The following PDE4D variants were observed in gnomAD, a reference collection of about 807,000 sequenced individuals.
PDE4D encodes 3',5'-cyclic-AMP phosphodiesterase 4D.
A neutral mutation model predicts 87.4 loss-of-function variants in PDE4D; 24 were observed. The observed-to-expected ratio is 0.27, with a 90% CI of 0.20 to 0.39. PDE4D has a LOEUF of 0.39. PDE4D is among the 10% of genes least tolerant of loss of function. The pLI, the probability that PDE4D is intolerant of heterozygous loss-of-function variation, is 1.00. For missense variants in PDE4D, 714 were observed against 1,041.0 expected (o/e 0.69, Z 4.32); for synonymous variants, 384 against 383.2 (o/e 1.00, Z -0.02).
chr5:59,758,313 T>C (rs771299315), intron 1 of PDE4D, among the ~76,000 whole-genome samples: 8 of 152,214 alleles, frequency 5.3e-5, no homozygotes, highest in South Asian at 4.1e-4. Flanking sequence ...ACCTGACACA[T>C]GGCAGGAGCT....
At chr5:60,250,429 T>A (rs186265984) in intron 1 of PDE4D, among the ~76,000 whole-genome samples, 172 of 152,058 alleles carry the variant, frequency 1.1e-3, no homozygotes, top group South Asian at 2.3e-3. Context: ...TGGTTCTGCA[T>A]CCCTAAGCCT....
intron 3 of PDE4D, among the ~76,000 whole-genome samples, chr5:59,911,893 A>G (rs1753479273): frequency 1.3e-5 from 2 of 152,226 alleles, no homozygotes; most frequent in South Asian, 4.1e-4. Context: ...ACCAAAACAT[A>G]GGAATAATTT....
At chr5:59,788,110 C>G (rs535522374) in intron 1 of PDE4D, among the ~76,000 whole-genome samples, 2 of 152,134 alleles carry the variant, frequency 1.3e-5, no homozygotes, top group East Asian at 3.9e-4. Context: ...AAAATGCATT[C>G]TAGTATGGTG....
At chr5:60,474,150 A>ATG (rs1274940940) in intron 1 of PDE4D, among the ~76,000 whole-genome samples, 6 of 96,406 alleles carry the variant, frequency 6.2e-5, no homozygotes, top group Non-Finnish European at 9.2e-5. Flanking sequence ...ATATATATAT[A>ATG]ACAAAAACCT....
At chr5:59,848,859 A>G (rs1744266634) in intron 1 of PDE4D, among the ~76,000 whole-genome samples, 1 of 152,038 alleles carries the variant, frequency 6.6e-6, no homozygotes, top group Admixed American at 6.6e-5. Flanking sequence ...TCATCAGGAT[A>G]ATTCTCCATA....
intron 1 of PDE4D, among the ~76,000 whole-genome samples, chr5:60,508,763 T>C (rs927529478): frequency 3.3e-5 from 5 of 152,214 alleles, no homozygotes; most frequent in East Asian, 1.9e-4. Context: ...TATTTAAAGA[T>C]AGCTTATTTT....
intron 1 of PDE4D, among the ~76,000 whole-genome samples, chr5:60,208,690 A>G (rs1295596853): frequency 6.6e-6 from 1 of 152,178 alleles, no homozygotes; most frequent in Non-Finnish European, 1.5e-5. Flanking sequence ...GTATTCTTAT[A>G]AGCAGCAACA....
At chr5:59,913,285 C>T (rs763750321) in intron 3 of PDE4D, among the ~76,000 whole-genome samples, 1 of 152,128 alleles carries the variant, frequency 6.6e-6, no homozygotes, top group Non-Finnish European at 1.5e-5. Context: ...GAAACATTGA[C>T]TCTTTCAAGT....
intron 1 of PDE4D, among the ~76,000 whole-genome samples, chr5:59,726,460 T>C (rs1756603790): frequency 6.6e-6 from 1 of 152,124 alleles, no homozygotes; most frequent in Middle Eastern, 3.4e-3. Context: ...GGTGCTCTTA[T>C]AAGAAAAGAC....
chr5:59,632,170 C>T lies in PDE4D; in HGVS notation c.455+260998G>A, dbSNP rs375356035. Among the ~76,000 whole-genome samples, 69 of 152,336 alleles carry T rather than the reference C, an allele frequency of 4.5e-4. 1 individual carries two copies. The highest frequency in any genetic ancestry group is 1.6e-3 in the African/African-American group (65 of 41,584). On this transcript the variant is annotated intron_variant, in intron 1 of 14. Coordinates refer to ENST00000340635, the MANE Select transcript of PDE4D (RefSeq NM_001104631.2). ...AGCCCACCGCAGCTCCACAAAGTTG[C>T]TGTAGCCAGACTGCCTCTCTAGATT...
At chr5:59,586,962 G>T in intron 1 of PDE4D, 4 of 985,410 alleles carry the variant, frequency 4.1e-6, no homozygotes, top group Non-Finnish European at 3.6e-6. Flanking sequence ...CTGGGCAGAG[G>T]GGCTAGAAAC....
At chr5:59,554,109 G>A (rs930868031) in intron 1 of PDE4D, among the ~76,000 whole-genome samples, 1 of 152,058 alleles carries the variant, frequency 6.6e-6, no homozygotes, top group South Asian at 2.1e-4. Context: ...GAGTTTGTAG[G>A]AACTAGAGTC....
intron 2 of PDE4D, among the ~76,000 whole-genome samples, chr5:60,045,431 C>A (rs1769098540): frequency 6.6e-6 from 1 of 152,154 alleles, no homozygotes; most frequent in Admixed American, 6.5e-5. Context: ...ACATGAAGTC[C>A]TTGCCCATGC....
chr5:59,992,980 G>A (rs545581802), intron 2 of PDE4D, among the ~76,000 whole-genome samples: 13 of 152,254 alleles, frequency 8.5e-5, no homozygotes, highest in African/African-American at 3.1e-4. Context: ...CTTTATTTTG[G>A]AGAGAGATGT....
chr5:60,303,452 G>A (rs1754122047), intron 1 of PDE4D, among the ~76,000 whole-genome samples: 1 of 151,886 alleles, frequency 6.6e-6, no homozygotes, highest in Admixed American at 6.6e-5. Context: ...GGGACTACAG[G>A]CGCGCGCCAC....
At chr5:59,145,202 T>G (rs1164722541) in intron 5 of PDE4D, among the ~76,000 whole-genome samples, 1 of 152,190 alleles carries the variant, frequency 6.6e-6, no homozygotes, top group African/African-American at 2.4e-5. Context: ...GTTATCACTA[T>G]CCCACATGAC....
At chr5:59,189,253 G>GTTTTTTTTTTTTTTTTTTTTT (rs5868167) in intron 3 of PDE4D, among the ~76,000 whole-genome samples, 5 of 120,842 alleles carry the variant, frequency 4.1e-5, no homozygotes, top group Non-Finnish European at 8.1e-5. Context: ...TGTTTTTTTT[G>GTTTTTTTTTTTTTTTTTTTTT]TTTTTTTTTT....
At chr5:60,472,541 C>T (rs1310586445) in intron 1 of PDE4D, among the ~76,000 whole-genome samples, 1 of 152,160 alleles carries the variant, frequency 6.6e-6, no homozygotes, top group Non-Finnish European at 1.5e-5. Flanking sequence ...GACATCAATC[C>T]TGTAAACTAC....
intron 1 of PDE4D, chr5:59,586,452 C>A: frequency 6.4e-7 from 1 of 1,557,460 alleles, no homozygotes; most frequent in Non-Finnish European, 8.7e-7. Context: ...TGAATTCCAA[C>A]TCTCTTGTTT....
Sources: allele counts gnomAD v4.1 joint callset (sites outside exome capture counted in the v4.1 genomes callset), GRCh38; gene constraint gnomAD v4.1.1; transcripts MANE v1.5; gene names NCBI Gene and HGNC (gene_info 2026-07-23, HGNC 2026-07-21).